Variants in TMEM131L observed in about 807,000 individuals in gnomAD.
TMEM131L encodes the protein transmembrane protein 131-like.
A neutral mutation model predicts 192.2 loss-of-function variants in TMEM131L; 54 were observed. The ratio of observed to expected loss-of-function variants is 0.28; its 90% CI spans 0.23 to 0.35. The LOEUF is 0.35. TMEM131L is among the 10% of genes least tolerant of loss of function. The pLI is 1.00. For synonymous variants in TMEM131L, 701 were observed against 704.9 expected (o/e 0.99, Z 0.09); for missense variants, 1,888 against 1,972.9 (o/e 0.96, Z 0.82).
At chr4:153,484,475 TA>T (rs1201144534) in intron 3 of TMEM131L, among the ~76,000 whole-genome samples, 1 of 151,532 alleles carries the variant, frequency 6.6e-6, no homozygotes, top group Admixed American at 6.6e-5. Context: ...ATTTTATTTT[TA>T]TTTTTTTTTT....
chr4:153,612,752 TTGTC>T (rs1431514974), intron 26 of TMEM131L, among the ~76,000 whole-genome samples: 1 of 152,122 alleles, frequency 6.6e-6, no homozygotes, highest in East Asian at 1.9e-4. Flanking sequence ...GTATTGCTTT[TTGTC>T]TGTCTTTGTC....
At position 153,596,296 on chromosome 4, in the gene TMEM131L, C is replaced by G. The variant is rs377744009; in HGVS notation, c.2034C>G (p.His678Gln). The change falls in exon 20 of 35, where the codon CAC becomes CAG. Residue 678 changes from histidine (H) to glutamine (Q), a missense_variant. By Grantham distance (24) the His-to-Gln change is conservative (BLOSUM62 0). Transcript: ENST00000409959. ...HSEESRFGILHLHLQPLEMKR... is the reference protein window; with the variant it reads ...HSEESRFGILQLHLQPLEMKR... ...AGGAATCCAGGTTTGGCATCCTCCA[C>G]TTACATCTGCAGCCTTTGGAAATGA... 8.7e-6 allele frequency: 14 copies of G among 1,613,884 alleles called. No individual in the cohort carries two copies. The East Asian group carries it at 1.1e-4, about 13-fold the overall frequency.
At chr4:153,603,260 G>A (rs778813852) in intron 23 of TMEM131L, 43 bp from the exon 24 acceptor site, 1 of 1,576,656 alleles carries the variant, frequency 6.3e-7, no homozygotes, top group Non-Finnish European at 8.6e-7. Flanking sequence ...TTGAATGCCA[G>A]TCAGAACCAT....
At chr4:153,634,302 C>T (rs1734423970) in intron 33 of TMEM131L, 22 bp downstream of exon 33, 5 of 1,548,774 alleles carry the variant, frequency 3.2e-6, no homozygotes, top group Middle Eastern at 1.7e-4. Context: ...TCAGACAATC[C>T]CAACGCCATT....
intron 8 of TMEM131L, 42 bp from the exon 9 acceptor site, chr4:153,581,365 A>G: frequency 6.8e-7 from 1 of 1,461,780 alleles, no homozygotes; most frequent in Non-Finnish European, 9.1e-7. Context: ...CAAAGTTGAG[A>G]TGATTTTTTT....
chr4:153,511,101 T>G (rs1017199576), intron 3 of TMEM131L, among the ~76,000 whole-genome samples: 7 of 152,106 alleles, frequency 4.6e-5, no homozygotes, highest in African/African-American at 1.5e-4. Context: ...AAACCAGAAC[T>G]ACCATTCGAC....
At chr4:153,471,454 T>G (rs1258720119) in intron 2 of TMEM131L, among the ~76,000 whole-genome samples, 1 of 152,186 alleles carries the variant, frequency 6.6e-6, no homozygotes, top group African/African-American at 2.4e-5. Context: ...GGAGAGGCAG[T>G]TGTCAGTGTC....
At chr4:153,522,691 A>G (rs1735204574) in intron 3 of TMEM131L, among the ~76,000 whole-genome samples, 1 of 152,202 alleles carries the variant, frequency 6.6e-6, no homozygotes, top group Non-Finnish European at 1.5e-5. Flanking sequence ...CGCCCTAGCC[A>G]GTCTTTAATA....
chr4:153,494,877 G>A (rs1053876436), intron 3 of TMEM131L, among the ~76,000 whole-genome samples: 2 of 152,222 alleles, frequency 1.3e-5, no homozygotes, highest in Non-Finnish European at 2.9e-5. Context: ...TGCATTGGGT[G>A]ACCTGCCGGG....
chr4:153,574,414 G>T (rs1327610088), intron 7 of TMEM131L, among the ~76,000 whole-genome samples: 1 of 152,236 alleles, frequency 6.6e-6, no homozygotes, highest in Non-Finnish European at 1.5e-5. Flanking sequence ...CTGCTGTTAT[G>T]CAGGAAACAC....
intron 7 of TMEM131L, among the ~76,000 whole-genome samples, chr4:153,560,684 A>G (rs868743119): frequency 6.6e-6 from 1 of 152,168 alleles, no homozygotes. Flanking sequence ...GTCTTTTGTG[A>G]TTGGCATCTT....
At position 153,494,963 on chromosome 4, in the gene TMEM131L, T is replaced by C. The variant is rs554882481; in HGVS notation, c.239+21075T>C. Among the ~76,000 whole-genome samples, 37 of 152,160 alleles carry C rather than the reference T, an allele frequency of 2.4e-4. 1 individual carries two copies. Among genetic ancestry groups the C allele is most frequent in the Non-Finnish European group, 5.1e-4 (35 of 68,018 alleles). On this transcript the variant is annotated intron_variant, in intron 3 of 34. Coordinates refer to ENST00000409959, the MANE Select transcript of TMEM131L (RefSeq NM_001131007.2). Reference sequence around the variant, plus strand: ...GTGAGAGGGGTCTGGGGAGGGGCAGTAGCTATTCACCAAACTCTGAACCCA... The same window carrying C: ...GTGAGAGGGGTCTGGGGAGGGGCAGCAGCTATTCACCAAACTCTGAACCCA...
chr4:153,622,873 A>G (rs1320134482), intron 28 of TMEM131L, 25 bp from the exon 29 acceptor site: 1 of 1,612,408 alleles, frequency 6.2e-7, no homozygotes, highest in East Asian at 2.2e-5. Context: ...TTTCAGGGAA[A>G]CATGACTCCT....
chr4:153,476,248 C>T (rs1031688690), intron 3 of TMEM131L, among the ~76,000 whole-genome samples: 6 of 152,154 alleles, frequency 3.9e-5, no homozygotes, highest in Non-Finnish European at 5.9e-5. Flanking sequence ...CATGAGCCAC[C>T]ACGCCTGGCC....
intron 25 of TMEM131L, among the ~76,000 whole-genome samples, chr4:153,605,545 G>C (rs1355436487): frequency 6.6e-6 from 1 of 151,998 alleles, no homozygotes; most frequent in Non-Finnish European, 1.5e-5. Context: ...TTTTTGTACT[G>C]TTTTGTAGAG....
chr4:153,508,936 G>T (rs1318690591), intron 3 of TMEM131L, among the ~76,000 whole-genome samples: 1 of 151,858 alleles, frequency 6.6e-6, no homozygotes, highest in Non-Finnish European at 1.5e-5. Flanking sequence ...GAGCCACCAC[G>T]CCCAGCCTAG....
At chr4:153,529,626 T>C (rs892870259) in intron 3 of TMEM131L, among the ~76,000 whole-genome samples, 7 of 152,174 alleles carry the variant, frequency 4.6e-5, no homozygotes, top group Non-Finnish European at 1.0e-4. Flanking sequence ...GGAGGAAAAG[T>C]AGTTTGAGCA....
At chr4:153,550,181 A>G (rs1178702263) in intron 4 of TMEM131L, 40 bp downstream of exon 4, 26 of 849,868 alleles carry the variant, frequency 3.1e-5, no homozygotes, top group Non-Finnish European at 4.2e-5. Flanking sequence ...CATTTTATTT[A>G]TACTATTTAT....
At chr4:153,600,721 A>G (rs1288974945) in intron 21 of TMEM131L, among the ~76,000 whole-genome samples, 2 of 152,256 alleles carry the variant, frequency 1.3e-5, no homozygotes, top group Non-Finnish European at 2.9e-5. Flanking sequence ...CTGGCTGGTG[A>G]AACCATTGGA....
Sources: allele counts gnomAD v4.1 joint callset (sites outside exome capture counted in the v4.1 genomes callset), GRCh38; gene constraint gnomAD v4.1.1; transcripts MANE v1.5; gene names NCBI Gene and HGNC (gene_info 2026-07-23, HGNC 2026-07-21).